RBM25: variants seen among roughly 807,000 people sequenced by gnomAD.
RBM25 encodes the protein RNA-binding protein 25.
Under a neutral mutation model 120.7 loss-of-function variants are expected in RBM25, and 19 were observed. The ratio of observed to expected loss-of-function variants is 0.16; its 90% confidence interval spans 0.11 to 0.23. The LOEUF (loss-of-function observed/expected upper bound fraction) is 0.23, where lower values mean the gene tolerates loss of function less well. Among genes scored for constraint, RBM25 ranks in the 10% least tolerant of loss-of-function variants. The pLI, the probability that RBM25 is intolerant of heterozygous loss-of-function variation, is 1.00. For synonymous variants in RBM25, 390 were observed against 326.7 expected, an observed-to-expected ratio of 1.19 and a Z score of -2.09; for missense variants, 605 against 1,041.5, an observed-to-expected ratio of 0.58 and a Z score of 5.77.
chr14:73,098,016 C>A (rs1447041146), intron 7 of RBM25, among the ~76,000 whole-genome samples: 2 of 152,136 alleles, frequency 1.3e-5, no homozygotes, highest in Non-Finnish European at 2.9e-5. Flanking sequence ...GTAGTCCCAG[C>A]AACTTGGGAG....
chr14:73,107,086 C>T (rs1896206389), intron 12 of RBM25, among the ~76,000 whole-genome samples: 1 of 152,202 alleles, frequency 6.6e-6, no homozygotes, highest in Admixed American at 6.5e-5. Flanking sequence ...AATGATCTGC[C>T]TGCCTTGGCC....
At chr14:73,062,375 G>T (rs1202093532) in intron 1 of RBM25, among the ~76,000 whole-genome samples, 1 of 151,188 alleles carries the variant, frequency 6.6e-6, no homozygotes, top group Non-Finnish European at 1.5e-5. Flanking sequence ...TTGAATGAAT[G>T]AGTGAGTTGT....
At position 73,071,670 on chromosome 14, in the gene RBM25, C is replaced by A; in HGVS notation, c.29C>A (p.Pro10His). The change falls in exon 2 of 19, where the codon CCT (proline) becomes CAT (histidine). Residue 10 changes from proline (P) to histidine (H), a missense_variant. Coordinates refer to ENST00000261973, the MANE Select transcript of RBM25 (RefSeq NM_021239.3). MSFPPHLNR[P>H]PMGIPALPPG... ...TCTTTTCCACCTCATTTGAATCGCCCTCCCATGGGAATCCCAGCACTCCCA... is the reference window on the plus strand; with the variant it reads ...TCTTTTCCACCTCATTTGAATCGCCATCCCATGGGAATCCCAGCACTCCCA... 6.2e-7 allele frequency: 1 copy of A among 1,613,988 alleles called. No homozygotes were observed. Among genetic ancestry groups the A allele is most frequent in the Non-Finnish European group, 8.5e-7 (1 of 1,179,920 alleles).
At chr14:73,071,411 T>C (rs1895289335) in intron 1 of RBM25, among the ~76,000 whole-genome samples, 1 of 152,070 alleles carries the variant, frequency 6.6e-6, no homozygotes, top group Middle Eastern at 3.2e-3. Context: ...ATTGTAGGAG[T>C]CTGTCCTGAA....
At chr14:73,091,757 A>G (rs1895818716) in intron 6 of RBM25, among the ~76,000 whole-genome samples, 1 of 152,066 alleles carries the variant, frequency 6.6e-6, no homozygotes, top group South Asian at 2.1e-4. Context: ...CACACCTGTA[A>G]TCCCAGCTAC....
chr14:73,112,353 G>A (rs1896326101), intron 17 of RBM25, 103 bp downstream of exon 17: 1 of 1,145,926 alleles, frequency 8.7e-7, no homozygotes, highest in Non-Finnish European at 1.2e-6. Flanking sequence ...TTCCATGATG[G>A]TTTAGGTTCA....
rs550552793 is a variant in RBM25 at position 73,088,717 on chromosome 14, C to A, written c.543+556C>A. 9.2e-5 allele frequency among the ~76,000 whole-genome samples: 14 copies of A among 152,328 alleles called. No homozygotes were observed. The South Asian group carries it at 2.9e-3, about 32-fold the overall frequency. On this transcript the variant is annotated intron_variant, in intron 6 of 18. Coordinates refer to ENST00000261973, the MANE Select transcript of RBM25 (RefSeq NM_021239.3). ...ACTTGAGTATATATTTCCTTCATTT[C>A]TCTTCTTAGTTCCTTTTTGGCATCT...
At chr14:73,065,101 C>G (rs1201241689) in intron 1 of RBM25, 1 of 150,512 alleles carries the variant, frequency 6.6e-6, no homozygotes, top group African/African-American at 2.4e-5. Context: ...CAGGTGCGCA[C>G]CACCACACCT....
chr14:73,066,935 AT>A (rs778603689), intron 1 of RBM25, among the ~76,000 whole-genome samples: 9 of 152,184 alleles, frequency 5.9e-5, no homozygotes, highest in Non-Finnish European at 1.3e-4. Flanking sequence ...AATTGTGAGA[AT>A]TTTGACACTG....
At chr14:73,088,362 T>C (rs769734065) in intron 6 of RBM25, 5 of 728,146 alleles carry the variant, frequency 6.9e-6, no homozygotes, top group South Asian at 4.4e-5. Flanking sequence ...TTGGTTTGCT[T>C]GTTCCAGGTT....
At chr14:73,098,004 A>C (rs540686738) in intron 7 of RBM25, among the ~76,000 whole-genome samples, 1 of 152,284 alleles carries the variant, frequency 6.6e-6, no homozygotes, top group Admixed American at 6.5e-5. Context: ...TGGCTGACAC[A>C]TGTAGTCCCA....
intron 17 of RBM25, among the ~76,000 whole-genome samples, chr14:73,113,850 A>G (rs539616833): frequency 1.3e-5 from 2 of 152,328 alleles, no homozygotes; most frequent in African/African-American, 2.4e-5. Flanking sequence ...TCTGAAACCC[A>G]TGCTCTTAAC....
At chr14:73,116,144 T>A (rs1896422841) in intron 18 of RBM25, among the ~76,000 whole-genome samples, 1 of 151,292 alleles carries the variant, frequency 6.6e-6, no homozygotes, top group South Asian at 2.1e-4. Context: ...ACATTGAGAG[T>A]GAGAGACTGC....
At chr14:73,108,425 T>C (rs1420490091) in intron 13 of RBM25, among the ~76,000 whole-genome samples, 1 of 152,236 alleles carries the variant, frequency 6.6e-6, no homozygotes, top group Non-Finnish European at 1.5e-5. Flanking sequence ...TTTGGTCTTC[T>C]AGCAATTTGA....
At chr14:73,080,384 C>G (rs901781097) in intron 4 of RBM25, among the ~76,000 whole-genome samples, 1 of 151,752 alleles carries the variant, frequency 6.6e-6, no homozygotes, top group Non-Finnish European at 1.5e-5. Flanking sequence ...CCACCATGCC[C>G]GGCTAATTTT....
intron 1 of RBM25, among the ~76,000 whole-genome samples, chr14:73,063,142 C>T (rs1340535211): frequency 1.3e-5 from 2 of 150,352 alleles, no homozygotes; most frequent in Non-Finnish European, 3.0e-5. Flanking sequence ...TTTTTATTAT[C>T]GTGGGCTATA....
At chr14:73,089,291 G>T (rs1012714252) in intron 6 of RBM25, among the ~76,000 whole-genome samples, 16 of 152,070 alleles carry the variant, frequency 1.1e-4, no homozygotes, top group Non-Finnish European at 1.9e-4. Flanking sequence ...ATCATCATAA[G>T]CAACACTGTA....
At chr14:73,088,754 A>C (rs1566590527) in intron 6 of RBM25, among the ~76,000 whole-genome samples, 1 of 152,244 alleles carries the variant, frequency 6.6e-6, no homozygotes, top group Non-Finnish European at 1.5e-5. Flanking sequence ...ATGCTGAACA[A>C]ATCCAAAATA....
intron 17 of RBM25, 69 bp downstream of exon 17, chr14:73,112,319 G>A (rs1291059630): frequency 7.2e-7 from 1 of 1,380,576 alleles, no homozygotes; most frequent in East Asian, 2.8e-5. Context: ...CTTCTTAAAA[G>A]AGCAGAAATT....
Sources: allele counts gnomAD v4.1 joint callset (sites outside exome capture counted in the v4.1 genomes callset), GRCh38; gene constraint gnomAD v4.1.1; transcripts MANE v1.5; gene names NCBI Gene and HGNC (gene_info 2026-07-23, HGNC 2026-07-21).